IL1RL2: variants seen among roughly 807,000 people sequenced by gnomAD.
IL1RL2 encodes interleukin 1 receptor like 2, also known as interleukin-1 receptor-like 2.
A neutral mutation model predicts 66.8 loss-of-function variants in IL1RL2; 68 were observed. The observed-to-expected ratio is 1.02, with a 90% CI of 0.84 to 1.25. The LOEUF (loss-of-function observed/expected upper bound fraction) is 1.25, where lower values mean the gene tolerates loss of function less well. IL1RL2 is among the 50% of genes most tolerant of loss of function. The probability of loss-of-function intolerance (pLI) is 0.00; values close to 1 mark genes in which losing one functional copy is unlikely to be tolerated. For synonymous variants in IL1RL2, 305 were observed against 264.6 expected (o/e 1.15, Z -1.48); for missense variants, 729 against 709.3 (o/e 1.03, Z -0.32).
chr2:102,231,334 C>T (rs886296840), intron 9 of IL1RL2, among the ~76,000 whole-genome samples: 10 of 152,064 alleles, frequency 6.6e-5, no homozygotes, highest in African/African-American at 2.4e-4. Flanking sequence ...CCCGTCTCTG[C>T]TAAAAGTACA....
chr2:102,241,286 A>C (rs1348837201), downstream of IL1RL2, among the ~76,000 whole-genome samples: 1 of 152,196 alleles, frequency 6.6e-6, no homozygotes, highest in Non-Finnish European at 1.5e-5. Context: ...GGGGATCAGC[A>C]GGCCCTGTTT....
At chr2:102,235,882 A>T in intron 11 of IL1RL2, 9 of 985,400 alleles carry the variant, frequency 9.1e-6, no homozygotes, top group Non-Finnish European at 1.1e-5. Context: ...ACCAGTGGGG[A>T]CCCACGGGAG....
intron 5 of IL1RL2, among the ~76,000 whole-genome samples, chr2:102,209,715 T>A (rs1688996295): frequency 6.6e-6 from 1 of 152,172 alleles, no homozygotes; most frequent in African/African-American, 2.4e-5. Flanking sequence ...GCATTTGTGA[T>A]GGGAGACATC....
chr2:102,234,950 AT>A lies in IL1RL2; in HGVS notation c.1353del (p.Ile451MetfsTer12), dbSNP rs1311411574. ...TAAGCTGTGCAGGAGGCTGATTGTCATTGTGGTCCCCGAATCGCTGGGCTTT... is the reference window on the plus strand; with the variant it reads ...TAAGCTGTGCAGGAGGCTGATTGTCATGTGGTCCCCGAATCGCTGGGCTTT... ...NVKLCRRLIV[I>X]VVPESLGFGL... On this transcript the variant is annotated frameshift_variant, in exon 11 of 12. Transcript: ENST00000264257. LOFTEE classifies it high-confidence loss of function. The A allele has an allele frequency of 1.2e-5, 19 of 1,614,154 alleles. No homozygotes were observed. Among genetic ancestry groups the A allele is most frequent in the Non-Finnish European group, 1.6e-5 (19 of 1,180,040 alleles).
chr2:102,234,826 A>G (rs1674709348), intron 10 of IL1RL2, 71 bp from the exon 11 acceptor site: 1 of 1,394,338 alleles, frequency 7.2e-7, no homozygotes, highest in South Asian at 1.3e-5. Flanking sequence ...TGTTTCAAAC[A>G]TTCTCACTAG....
intron 5 of IL1RL2, 55 bp downstream of exon 5, chr2:102,201,770 T>A: frequency 5.8e-6 from 9 of 1,547,192 alleles, no homozygotes; most frequent in Non-Finnish European, 7.1e-6. Context: ...TTGTGTGAAC[T>A]GGCTTCTGGC....
chr2:102,227,347 C>T (rs1299002734), intron 9 of IL1RL2, among the ~76,000 whole-genome samples: 1 of 152,172 alleles, frequency 6.6e-6, no homozygotes, highest in Non-Finnish European at 1.5e-5. Context: ...GCTTGCTTTG[C>T]ACATAAAATA....
intron 4 of IL1RL2, among the ~76,000 whole-genome samples, chr2:102,192,839 C>T (rs1486932872): frequency 2.0e-5 from 3 of 152,154 alleles, no homozygotes; most frequent in South Asian, 2.1e-4. Context: ...TCTATTGATT[C>T]AATTTCTTTA....
intron 4 of IL1RL2, among the ~76,000 whole-genome samples, chr2:102,196,123 C>T (rs1199114143): frequency 7.2e-5 from 11 of 152,190 alleles, no homozygotes; most frequent in African/African-American, 1.9e-4. Context: ...TCTGTTTCTG[C>T]AGCACTTGGA....
chr2:102,207,886 G>A (rs1391429707), intron 5 of IL1RL2, among the ~76,000 whole-genome samples: 1 of 152,178 alleles, frequency 6.6e-6, no homozygotes, highest in Non-Finnish European at 1.5e-5. Flanking sequence ...GCTTGTGGTG[G>A]TAAGATTTAC....
intron 11 of IL1RL2, among the ~76,000 whole-genome samples, chr2:102,237,401 C>T (rs138369090): frequency 7.2e-5 from 11 of 152,312 alleles, no homozygotes; most frequent in East Asian, 3.9e-4. Context: ...ACATGCACTC[C>T]GCAGAAGGAA....
chr2:102,230,254 T>C (rs1690999874), intron 9 of IL1RL2, among the ~76,000 whole-genome samples: 1 of 152,228 alleles, frequency 6.6e-6, no homozygotes, highest in African/African-American at 2.4e-5. Flanking sequence ...AAATGTTTCT[T>C]TTCCCATTTT....
chr2:102,236,044 T>G, intron 11 of IL1RL2: 1 of 667,586 alleles, frequency 1.5e-6, no homozygotes, highest in Non-Finnish European at 1.9e-6. Flanking sequence ...ACACAGATGA[T>G]AGAATTATAG....
chr2:102,236,377 G>A (rs984339759), intron 11 of IL1RL2, among the ~76,000 whole-genome samples: 3 of 152,118 alleles, frequency 2.0e-5, no homozygotes, highest in Admixed American at 6.5e-5. Flanking sequence ...TGGGTTAGGA[G>A]GTGCTGTGCC....
intron 4 of IL1RL2, among the ~76,000 whole-genome samples, chr2:102,196,311 G>C (rs1687778436): frequency 6.6e-6 from 1 of 152,172 alleles, no homozygotes; most frequent in Non-Finnish European, 1.5e-5. Context: ...GTAGGCAAAA[G>C]CTGAGGGTCA....
In IL1RL2 at chr2:102,239,281, T is replaced by A; in HGVS notation, c.*40T>A. On this transcript the variant is annotated 3_prime_UTR_variant, in exon 12 of 12. Transcript: ENST00000264257. ...ACACCTATGGCTGGAAGATGACTTG[T>A]TTTGCTCCATGTCTCCTCATTCCTA... The A allele has an allele frequency of 6.3e-7, 1 of 1,586,388 alleles. No homozygotes were observed. Among genetic ancestry groups the A allele is most frequent in the Non-Finnish European group, 8.7e-7 (1 of 1,154,762 alleles).
chr2:102,214,737 T>C (rs1689456632), intron 6 of IL1RL2, among the ~76,000 whole-genome samples: 1 of 151,706 alleles, frequency 6.6e-6, no homozygotes, highest in Non-Finnish European at 1.5e-5. Flanking sequence ...CAAGAAAAAA[T>C]TGAATAGAAG....
rs935678675 is a variant in IL1RL2, at chr2:102,235,261, T to A, written c.1662T>A (p.Pro554=). 9 of 1,613,438 alleles carry A rather than the reference T, an allele frequency of 5.6e-6. No individual in the cohort carries two copies. The highest frequency in any genetic ancestry group is 7.6e-6 in the Non-Finnish European group (9 of 1,179,822). Reference sequence around the variant, plus strand: ...CGGTCCAGCTGCTGCAGCACACACCTTGCTACCGCACCGCAGGTGAGCGGG... The same window carrying A: ...CGGTCCAGCTGCTGCAGCACACACCATGCTACCGCACCGCAGGTGAGCGGG... ...FPPVQLLQHT[P]CYRTAGPELG... Residue 554 remains proline, a synonymous_variant, in exon 11 of 12, where the codon CCT becomes CCA. Transcript: ENST00000264257.
intron 4 of IL1RL2, among the ~76,000 whole-genome samples, chr2:102,198,121 G>A (rs1416723883): frequency 1.3e-5 from 2 of 152,088 alleles, no homozygotes; most frequent in Non-Finnish European, 2.9e-5. Flanking sequence ...ATCTATCCAC[G>A]AAGCATTTAG....
Sources: gnomAD v4.1 joint callset for allele counts (sites outside exome capture counted in the v4.1 genomes callset) on GRCh38, gnomAD v4.1.1 for gene constraint, MANE v1.5 for transcripts, NCBI Gene and HGNC (gene_info 2026-07-23, HGNC 2026-07-21) for gene names.